Variants in PHACTR1 observed in about 807,000 individuals in gnomAD.
PHACTR1 encodes RPEL repeat containing 1.
Under a neutral mutation model 69.2 loss-of-function variants are expected in PHACTR1, and 16 were observed. The ratio of observed to expected loss-of-function variants is 0.23; its 90% CI spans 0.16 to 0.35. The LOEUF is 0.35. Ranked by LOEUF, PHACTR1 falls within the 10% of genes least tolerant of loss-of-function variation. PHACTR1 has a pLI of 1.00. For missense variants in PHACTR1, 510 were observed against 734.7 expected (o/e 0.69, Z 3.54); for synonymous variants, 312 against 284.5 (o/e 1.10, Z -0.97).
chr6:13,093,844 G>T (rs1370992913), intron 5 of PHACTR1, among the ~76,000 whole-genome samples: 2 of 152,178 alleles, frequency 1.3e-5, no homozygotes, highest in African/African-American at 4.8e-5. Context: ...ATTTCGAAGA[G>T]CCAGTCTTTC....
intron 5 of PHACTR1, among the ~76,000 whole-genome samples, chr6:13,063,469 T>G (rs373174137): frequency 6.6e-6 from 1 of 151,990 alleles, no homozygotes; most frequent in Non-Finnish European, 1.5e-5. Context: ...AGGTTAACAG[T>G]CTACAGCTTA....
At chr6:12,985,337 T>A (rs2127597765) in intron 4 of PHACTR1, among the ~76,000 whole-genome samples, 1 of 152,144 alleles carries the variant, frequency 6.6e-6, no homozygotes, top group South Asian at 2.1e-4. Context: ...TTGCATGGGC[T>A]CAAATAGCAG....
intron 7 of PHACTR1, among the ~76,000 whole-genome samples, chr6:13,198,402 G>A (rs141408494): frequency 1.3e-5 from 2 of 152,284 alleles, no homozygotes; most frequent in East Asian, 3.9e-4. Flanking sequence ...TGAGGATGGT[G>A]ATAGCATCAA....
At chr6:12,771,788 A>T (rs1769421861) in intron 4 of PHACTR1, among the ~76,000 whole-genome samples, 1 of 152,220 alleles carries the variant, frequency 6.6e-6, no homozygotes, top group Non-Finnish European at 1.5e-5. Context: ...ACTCCCATGG[A>T]ACATCAATTT....
At chr6:12,946,805 ATTTTTTTTTT>A (rs11412388) in intron 4 of PHACTR1, among the ~76,000 whole-genome samples, 1 of 85,194 alleles carries the variant, frequency 1.2e-5, no homozygotes, top group Non-Finnish European at 2.2e-5. Flanking sequence ...ATGGTGCTGG[ATTTTTTTTTT>A]TTTTTTTTTT....
intron 4 of PHACTR1, among the ~76,000 whole-genome samples, chr6:12,886,958 G>A (rs561114848): frequency 1.3e-5 from 2 of 152,264 alleles, no homozygotes; most frequent in South Asian, 4.2e-4. Flanking sequence ...AGAAGGTGGT[G>A]GTCGGTTTCA....
chr6:13,232,054 C>T (rs1005099025), intron 10 of PHACTR1, among the ~76,000 whole-genome samples: 3 of 152,214 alleles, frequency 2.0e-5, no homozygotes, highest in Admixed American at 2.0e-4. Flanking sequence ...GGTGTATAGC[C>T]TTAAGTAAGT....
At chr6:12,955,630 C>G (rs1329555057) in intron 4 of PHACTR1, among the ~76,000 whole-genome samples, 1 of 152,132 alleles carries the variant, frequency 6.6e-6, no homozygotes, top group African/African-American at 2.4e-5. Context: ...GTCTCACCAC[C>G]TGATGTTTTC....
intron 3 of PHACTR1, among the ~76,000 whole-genome samples, chr6:12,725,302 C>T (rs1453061437): frequency 6.6e-6 from 1 of 152,186 alleles, no homozygotes; most frequent in Non-Finnish European, 1.5e-5. Context: ...GAGACAAAGA[C>T]ATTTGGTAGC....
chr6:12,964,972 C>T (rs1208257580), intron 4 of PHACTR1, among the ~76,000 whole-genome samples: 1 of 152,086 alleles, frequency 6.6e-6, no homozygotes, highest in East Asian at 1.9e-4. Flanking sequence ...CCCGCAGTCC[C>T]ACTACCCCCG....
chr6:12,879,043 T>C (rs1782820505), intron 4 of PHACTR1, among the ~76,000 whole-genome samples: 1 of 152,218 alleles, frequency 6.6e-6, no homozygotes, highest in Non-Finnish European at 1.5e-5. Flanking sequence ...GTGTGATGGC[T>C]CACAGTTTCA....
intron 4 of PHACTR1, among the ~76,000 whole-genome samples, chr6:12,750,020 G>C (rs1184973288): frequency 6.6e-6 from 1 of 152,182 alleles, no homozygotes. Context: ...GGGCTTCCCC[G>C]GCACGGGGAG....
intron 4 of PHACTR1, among the ~76,000 whole-genome samples, chr6:12,849,645 C>T (rs1322429766): frequency 6.6e-6 from 1 of 152,036 alleles, no homozygotes; most frequent in Non-Finnish European, 1.5e-5. Context: ...TTTGCAGAAC[C>T]GATGAGGCCT....
intron 5 of PHACTR1, among the ~76,000 whole-genome samples, chr6:13,121,063 C>T (rs145285096): frequency 2.6e-5 from 4 of 152,178 alleles, no homozygotes; most frequent in East Asian, 1.9e-4. Flanking sequence ...GTAAAGGAGG[C>T]GTGGGCACCA....
chr6:13,263,143 T>C (rs191692581), intron 10 of PHACTR1, among the ~76,000 whole-genome samples: 74 of 152,268 alleles, frequency 4.9e-4, no homozygotes, highest in African/African-American at 1.7e-3. Context: ...TGCTGCCTGC[T>C]CTGCATACAT....
At chr6:12,806,104 T>G (rs922645125) in intron 4 of PHACTR1, among the ~76,000 whole-genome samples, 4 of 152,156 alleles carry the variant, frequency 2.6e-5, no homozygotes, top group African/African-American at 9.7e-5. Flanking sequence ...TACACTGTCT[T>G]TTGTAGAAAT....
intron 10 of PHACTR1, among the ~76,000 whole-genome samples, chr6:13,268,240 G>A (rs1053988886): frequency 2.6e-5 from 4 of 152,168 alleles, no homozygotes; most frequent in Admixed American, 2.0e-4. Flanking sequence ...GCACTCCAGC[G>A]TGGGTGACAG....
chr6:13,203,048 C>A (rs1223480461), intron 7 of PHACTR1, among the ~76,000 whole-genome samples: 1 of 152,232 alleles, frequency 6.6e-6, no homozygotes, highest in African/African-American at 2.4e-5. Context: ...TTAGAATTTT[C>A]TGTGTCTCAG....
At chr6:13,013,583 T>TG (rs550423941) in intron 4 of PHACTR1, among the ~76,000 whole-genome samples, 1 of 151,414 alleles carries the variant, frequency 6.6e-6, no homozygotes, top group Non-Finnish European at 1.5e-5. Context: ...TCCGGAGGGG[T>TG]GGGGCTGCCA....
Sources: gnomAD v4.1 joint callset for allele counts (sites outside exome capture counted in the v4.1 genomes callset) on GRCh38, gnomAD v4.1.1 for gene constraint, MANE v1.5 for transcripts, NCBI Gene and HGNC (gene_info 2026-07-23, HGNC 2026-07-21) for gene names.